The following ZFP57 variants were observed in gnomAD, a reference collection of about 807,000 sequenced individuals.
ZFP57 encodes zinc finger protein 57 homolog.
A neutral mutation model predicts 15.8 loss-of-function variants in ZFP57; 12 were observed. That is an observed-to-expected ratio of 0.76 (90% CI 0.49 to 1.23). The LOEUF (loss-of-function observed/expected upper bound fraction) is 1.23. Among genes scored for constraint, ZFP57 ranks in the 50% most tolerant of loss-of-function variants. ZFP57 has a pLI of 0.00. For missense variants in ZFP57, 536 were observed against 654.9 expected (o/e 0.82, Z 1.98); for synonymous variants, 203 against 242.3 (o/e 0.84, Z 1.51).
intron 4 of ZFP57, 88 bp downstream of exon 4, chr6:29,675,298 A>G: frequency 1.0e-6 from 1 of 974,100 alleles, no homozygotes; most frequent in Non-Finnish European, 1.7e-6. Context: ...GAGCATCTAT[A>G]GAGCATTCAT....
At chr6:29,680,427 C>T (rs1366094420) in intron 1 of ZFP57, among the ~76,000 whole-genome samples, 1 of 152,204 alleles carries the variant, frequency 6.6e-6, no homozygotes, top group East Asian at 1.9e-4. Context: ...CTTGTCGTCA[C>T]CAACCCTGCT....
chr6:29,677,117 GC>G lies in ZFP57; in HGVS notation c.-115del. On this transcript the variant is annotated 5_prime_UTR_variant, in exon 2 of 5. Transcript: ENST00000376883. Reference sequence around the variant, plus strand: ...TCCCAGTAACTGGGCAGATGGAGAGGCCCAGCAAAGGCCCCAGGGTTTGATG... The same window carrying G: ...TCCCAGTAACTGGGCAGATGGAGAGGCCAGCAAAGGCCCCAGGGTTTGATG... 1 of 1,468,740 alleles carries G rather than the reference GC, an allele frequency of 6.8e-7. No individual in the cohort carries two copies. 91.0% of individuals were successfully genotyped at this position (1,468,740 alleles called of 1,614,324 possible).
intron 4 of ZFP57, among the ~76,000 whole-genome samples, chr6:29,674,233 C>A (rs13218964): frequency 8.2e-6 from 1 of 121,480 alleles, no homozygotes; most frequent in African/African-American, 3.2e-5. Flanking sequence ...AAGACGAAGA[C>A]GAAGAAGAAG....
At chr6:29,676,275 C>T (rs1346807498) in intron 2 of ZFP57, among the ~76,000 whole-genome samples, 2 of 152,102 alleles carry the variant, frequency 1.3e-5, no homozygotes, top group Non-Finnish European at 2.9e-5. Context: ...CGGTGGCTCA[C>T]GCCTGTAATC....
chr6:29,677,054 C>T lies in ZFP57; in HGVS notation c.-51G>A. ...AGCTTTATCCACTCCTGGCCTGGTG[C>T]CCAGGCCTGACTGGATTCCTTCCTG... On this transcript the variant is annotated 5_prime_UTR_variant, in exon 2 of 5. Coordinates refer to ENST00000376883, the MANE Select transcript of ZFP57 (RefSeq NM_001109809.5). 2.5e-6 allele frequency: 4 copies of T among 1,612,858 alleles called. No individual in the cohort carries two copies. Among genetic ancestry groups the T allele is most frequent in the South Asian group, 2.2e-5 (2 of 91,076 alleles).
At chr6:29,676,232 C>T (rs1451301625) in intron 2 of ZFP57, among the ~76,000 whole-genome samples, 173 bp from the exon 3 acceptor site, 1 of 151,956 alleles carries the variant, frequency 6.6e-6, no homozygotes, top group Non-Finnish European at 1.5e-5. Flanking sequence ...AGGCCAGCAA[C>T]TGTGAAGTAT....
chr6:29,676,550 G>GAAAAAAAAAAAAAAAAAAAAAAA (rs78930904), intron 2 of ZFP57, among the ~76,000 whole-genome samples: 1 of 119,654 alleles, frequency 8.4e-6, no homozygotes, highest in Admixed American at 9.1e-5. Flanking sequence ...AAAAAAAAAA[G>GAAAAAAAAAAAAAAAAAAAAAAA]AAAAAAAAAA....
intron 3 of ZFP57, 34 bp downstream of exon 3, chr6:29,675,899 C>T (rs756825002): frequency 2.5e-6 from 4 of 1,612,846 alleles, no homozygotes; most frequent in Non-Finnish European, 3.4e-6. Flanking sequence ...GCCCTTAGGA[C>T]AGGGGGCTTG....
At chr6:29,676,560 A>AAAAAT (rs1562226873) in intron 2 of ZFP57, among the ~76,000 whole-genome samples, 1 of 144,326 alleles carries the variant, frequency 6.9e-6, no homozygotes. Context: ...GAAAAAAAAA[A>AAAAAT]AAAGGAAAGG....
At chr6:29,672,413 T>C (rs1424621412), downstream of ZFP57, 1 of 1,472,164 alleles carries the variant, frequency 6.8e-7, no homozygotes, top group African/African-American at 1.4e-5. Context: ...TCCACGCACC[T>C]GTCTCCCTCT....
chr6:29,680,482 C>G (rs1292095183), intron 1 of ZFP57, among the ~76,000 whole-genome samples: 1 of 152,206 alleles, frequency 6.6e-6, no homozygotes, highest in African/African-American at 2.4e-5. Context: ...AGCAAAATGG[C>G]CTTCCTGCAG....
chr6:29,673,126 A>G lies in ZFP57; in HGVS notation c.985T>C (p.Ser329Pro). Residue 329 changes from serine to proline, a missense_variant, in exon 5 of 5, where the codon TCC becomes CCC. Coordinates refer to ENST00000376883, the MANE Select transcript of ZFP57 (RefSeq NM_001109809.5). The surrounding 1 kb of genome is among the most constrained non-coding windows in gnomAD (Gnocchi z 4.7). ...LDVNHAPVARSQEPIFRTEGP... is the reference protein window; with the variant it reads ...LDVNHAPVARPQEPIFRTEGP... ...TCAGTTCTAAATATGGGTTCCTGGG[A>G]CCTGGCCACTGGTGCATGGTTCACA... 1 of 1,612,832 alleles carries G rather than the reference A, an allele frequency of 6.2e-7. No individual in the cohort carries two copies. The highest frequency in any genetic ancestry group is 1.6e-4 in the Middle Eastern group (1 of 6,062).
intron 4 of ZFP57, among the ~76,000 whole-genome samples, chr6:29,674,894 T>G (rs563613542): frequency 6.6e-6 from 1 of 152,174 alleles, no homozygotes; most frequent in Non-Finnish European, 1.5e-5. Flanking sequence ...GGCTCATGCC[T>G]GTAATCCCAG....
Position 29,672,860 on chromosome 6 carries a change from G to T in ZFP57, c.1251C>A (p.Cys417Ter), listed in dbSNP as rs958024543. Residue 417 changes from cysteine (C) to a stop codon, truncating the protein, a stop_gained, in exon 5 of 5, where the codon TGC becomes TGA. Coordinates refer to ENST00000376883, the MANE Select transcript of ZFP57 (RefSeq NM_001109809.5). LOFTEE classifies it low-confidence loss of function (END_TRUNC). ...LTEPPNYCFH[C>*]SKSFSSFSRL... Reference sequence around the variant, plus strand: ...TGGAAAATGAGCTGAAAGACTTGCTGCAATGGAAGCAGTAGTTGGGCGGCT... The same window carrying T: ...TGGAAAATGAGCTGAAAGACTTGCTTCAATGGAAGCAGTAGTTGGGCGGCT... 6.2e-7 allele frequency: 1 copy of T among 1,612,990 alleles called. No individual in the cohort carries two copies. The highest frequency in any genetic ancestry group is 8.5e-7 in the Non-Finnish European group (1 of 1,180,048).
chr6:29,673,541 G>T lies in ZFP57; in HGVS notation c.570C>A (p.Leu190=). The change falls in exon 5 of 5, where the codon CTC becomes CTA. Residue 190 remains leucine (L), a synonymous_variant. Transcript: ENST00000376883. The surrounding 1 kb of genome is among the most constrained non-coding windows in gnomAD (Gnocchi z 4.7). ...CGKCFSRRSY[L]YSHQFVHNPK... ...GATTGTGAACAAACTGGTGGCTATAGAGGTAGGAGCGCCTGCTGAAACATT... is the reference window on the plus strand; with the variant it reads ...GATTGTGAACAAACTGGTGGCTATATAGGTAGGAGCGCCTGCTGAAACATT... 3.7e-6 allele frequency: 6 copies of T among 1,613,108 alleles called. No homozygotes were observed. The highest frequency in any genetic ancestry group is 5.1e-6 in the Non-Finnish European group (6 of 1,180,042).
Position 29,673,497 on chromosome 6 carries a change from C to A in ZFP57, c.614G>T (p.Cys205Phe). The A allele has an allele frequency of 6.2e-7, 1 of 1,613,124 alleles. No individual in the cohort carries two copies. Among genetic ancestry groups the A allele is most frequent in the Non-Finnish European group, 8.5e-7 (1 of 1,180,046 alleles). ...FVHNPKLTNS[C>F]SQCGKLFRSP... is the part of the protein sequence containing the mutation. The stretch of plus-strand genomic sequence containing the variant: ...CCGAAACAACTTCCCACACTGACTG[C>A]AGCTGTTAGTCAGCTTGGGATTGTG... Residue 205 changes from cysteine to phenylalanine, a missense_variant, in exon 5 of 5, where the codon TGC becomes TTC. Coordinates refer to ENST00000376883, the MANE Select transcript of ZFP57 (RefSeq NM_001109809.5). This position sits in a 1 kb window ranked among gnomAD's most constrained non-coding sequence, Gnocchi z 4.7.
At chr6:29,676,460 C>T (rs1223286163) in intron 2 of ZFP57, among the ~76,000 whole-genome samples, 4 of 145,432 alleles carry the variant, frequency 2.8e-5, no homozygotes, top group African/African-American at 7.6e-5. Context: ...TGCTTGAGCC[C>T]GGGAGGCAGA....
rs1562219731 is a variant in ZFP57 at position 29,672,809 on chromosome 6, G to A, written c.1302C>T (p.His434=). 6.2e-7 allele frequency: 1 copy of A among 1,613,110 alleles called. No homozygotes were observed. Residue 434 remains histidine, a synonymous_variant, in exon 5 of 5, where the codon CAC becomes CAT. Coordinates refer to ENST00000376883, the MANE Select transcript of ZFP57 (RefSeq NM_001109809.5). ...GGCAAAGGTAGCTCTTCTGCTTCCA[G>A]TGGGTCTGCTGGTGTCTGACCAGCC... is the stretch of plus-strand genomic sequence containing the variant. ...FSRLVRHQQT[H]WKQKSYLCPI... is the part of the protein sequence containing the mutation.
At chr6:29,680,707 C>T (rs1772300023) in intron 1 of ZFP57, among the ~76,000 whole-genome samples, 4 of 152,184 alleles carry the variant, frequency 2.6e-5, no homozygotes, top group Non-Finnish European at 4.4e-5. Flanking sequence ...GCAAAGCAGG[C>T]GCTTGTTAGC....
Sources: allele counts gnomAD v4.1 joint callset (sites outside exome capture counted in the v4.1 genomes callset), GRCh38; gene constraint gnomAD v4.1.1; non-coding constraint Gnocchi (gnomAD v3.1); transcripts MANE v1.5; gene names NCBI Gene and HGNC (gene_info 2026-07-23, HGNC 2026-07-21).